PLCG1: variants seen among roughly 807,000 people sequenced by gnomAD.
PLCG1 encodes the protein 1-phosphatidylinositol 4,5-bisphosphate phosphodiesterase gamma-1.
In PLCG1, 71 loss-of-function variants were observed where a neutral mutation model predicts 177.8. That is an observed-to-expected ratio of 0.40 (90% CI 0.33 to 0.49). The LOEUF is 0.49. PLCG1 is among the 20% of genes least tolerant of loss of function. The pLI, the probability that PLCG1 is intolerant of heterozygous loss-of-function variation, is 0.72. For missense variants in PLCG1, 1,281 were observed against 1,709.0 expected, an observed-to-expected ratio of 0.75 and a Z score of 4.42; for synonymous variants, 658 against 647.9, an observed-to-expected ratio of 1.02 and a Z score of -0.24.
At chr20:41,143,025 C>T (rs1027651201) in intron 1 of PLCG1, among the ~76,000 whole-genome samples, 3 of 152,240 alleles carry the variant, frequency 2.0e-5, no homozygotes, top group Non-Finnish European at 2.9e-5. Context: ...AGCAGTCCCT[C>T]TATTGTCAGG....
At position 41,157,452 on chromosome 20, in the gene PLCG1, CCT is replaced by C. The variant is rs1440651025; in HGVS notation, c.218-2153_218-2152del. Among the ~76,000 whole-genome samples, 3 of 152,152 alleles carry C rather than the reference CCT, an allele frequency of 2.0e-5. No homozygotes were observed. The highest frequency in any genetic ancestry group is 7.2e-5 in the African/African-American group (3 of 41,430). On this transcript the variant is annotated intron_variant, in intron 1 of 31. Coordinates refer to ENST00000685551, the MANE Select transcript of PLCG1 (RefSeq NM_002660.3). The surrounding 1 kb of genome is among the most constrained non-coding windows in gnomAD (Gnocchi z 5.4). ...CTTTTATGGCCCAGTTCTCCCTGCC[CCT>C]GTTTCTACCCGAGTATAACTGTTCA... is the stretch of plus-strand genomic sequence containing the variant.
Position 41,169,493 on chromosome 20 carries a change from C to CG in PLCG1, c.2623dup (p.Val875GlyfsTer14), listed in dbSNP as rs1246354256. 1.9e-6 allele frequency: 3 copies of CG among 1,613,594 alleles called. No homozygotes were observed. The highest frequency in any genetic ancestry group is 1.7e-6 in the Non-Finnish European group (2 of 1,179,596). On this transcript the variant is annotated frameshift_variant, in exon 23 of 32. Coordinates refer to ENST00000685551, the MANE Select transcript of PLCG1 (RefSeq NM_002660.3). LOFTEE classifies it high-confidence loss of function. The stretch of plus-strand genomic sequence containing the variant: ...GAACAGCCCCCTAGGGGACTTGCTG[C>CG]GGGGGGTCTTGGATGTGCCGGCTTG...
At chr20:41,145,502 C>T (rs893523575) in intron 1 of PLCG1, among the ~76,000 whole-genome samples, 2 of 152,144 alleles carry the variant, frequency 1.3e-5, no homozygotes, top group South Asian at 4.1e-4. Context: ...CCCACCAACC[C>T]ATGGCCCTAC....
rs533260213 is a variant in PLCG1, at chr20:41,160,402, G to A, written c.512+249G>A. ...GCCACTATGGGCAGAGACTGGATGT[G>A]TAGAACTGGCTTTGGGTGTCCTGGA... is the stretch of plus-strand genomic sequence containing the variant. On this transcript the variant is annotated intron_variant, in intron 4 of 31. Transcript: ENST00000685551. This position sits in a 1 kb window ranked among gnomAD's most constrained non-coding sequence, Gnocchi z 5.5. Among the ~76,000 whole-genome samples, 2 of 152,356 alleles carry A rather than the reference G, an allele frequency of 1.3e-5. No homozygotes were observed. Among genetic ancestry groups the A allele is most frequent in the South Asian group, 2.1e-4 (1 of 4,830 alleles).
In PLCG1 at chr20:41,163,064, C is replaced by G. The variant is rs889644229; in HGVS notation, c.716+72C>G. ...TCTCTCCACTGGGCGATTCTTGATC[C>G]AGGTGGGAGGCAGTGGGAGTAGGGA... On this transcript the variant is annotated intron_variant, in intron 7 of 31. Coordinates refer to ENST00000685551, the MANE Select transcript of PLCG1 (RefSeq NM_002660.3). This position sits in a 1 kb window ranked among gnomAD's most constrained non-coding sequence, Gnocchi z 5.2. 4 of 1,546,328 alleles carry G rather than the reference C, an allele frequency of 2.6e-6. No individual in the cohort carries two copies. Among genetic ancestry groups the G allele is most frequent in the Non-Finnish European group, 3.6e-6 (4 of 1,118,480 alleles).
Position 41,174,158 on chromosome 20 carries a change from C to G in PLCG1, c.3680C>G (p.Thr1227Arg). The part of the protein sequence containing the change: ...ENGDLSPFSG[T>R]SLRERGSDAS... ...GGTGACCTCAGTCCCTTCAGTGGTA[C>G]GTCCCTGCGGGAGCGGGGCTCAGAT... Residue 1227 changes from threonine to arginine, a missense_variant, in exon 31 of 32, where the codon ACG (threonine) becomes AGG (arginine). By Grantham distance (71) the Thr-to-Arg change is moderately conservative. Transcript: ENST00000685551. The surrounding 1 kb of genome is among the most constrained non-coding windows in gnomAD (Gnocchi z 5.8). 6.2e-7 allele frequency: 1 copy of G among 1,614,066 alleles called. No homozygotes were observed. The highest frequency in any genetic ancestry group is 1.7e-5 in the Admixed American group (1 of 60,026).
In PLCG1 at chr20:41,165,863, C is replaced by T. The variant is rs776899363; in HGVS notation, c.1799+37C>T. On this transcript the variant is annotated intron_variant, in intron 16 of 31. Transcript: ENST00000685551. This position sits in a 1 kb window ranked among gnomAD's most constrained non-coding sequence, Gnocchi z 6.6. Reference sequence around the variant, plus strand: ...CATGCAGATGCGTATGTTCAGTCAGCGTGTGTACACAGACATCACATCACC... The same window carrying T: ...CATGCAGATGCGTATGTTCAGTCAGTGTGTGTACACAGACATCACATCACC... 4.1e-6 allele frequency: 6 copies of T among 1,460,962 alleles called. No homozygotes were observed. Among genetic ancestry groups the T allele is most frequent in the Middle Eastern group, 3.6e-4 (2 of 5,552 alleles). 90.5% of individuals were successfully genotyped at this position (1,460,962 alleles called of 1,614,324 possible).
intron 24 of PLCG1, among the ~76,000 whole-genome samples, chr20:41,171,586 CAAAA>C (rs71844995): frequency 7.2e-4 from 46 of 64,104 alleles, no homozygotes; most frequent in Middle Eastern, 0.01. Context: ...GACTCTGTCT[CAAAA>C]AAAAAAAAAA....
At chr20:41,162,240 T>TC (rs537494200) in intron 4 of PLCG1, 1 of 277,680 alleles carries the variant, frequency 3.6e-6, no homozygotes, top group Non-Finnish European at 6.5e-6. Flanking sequence ...TTTTTGTTTT[T>TC]TTTTTTTTTT....
Position 41,151,428 on chromosome 20 carries a change from A to G in PLCG1, c.218-8178A>G, listed in dbSNP as rs540876010. Among the ~76,000 whole-genome samples, 21 of 152,350 alleles carry G rather than the reference A, an allele frequency of 1.4e-4. No homozygotes were observed. The East Asian group carries it at 3.9e-3, about 28-fold the overall frequency. On this transcript the variant is annotated intron_variant, in intron 1 of 31. Coordinates refer to ENST00000685551, the MANE Select transcript of PLCG1 (RefSeq NM_002660.3). This position sits in a 1 kb window ranked among gnomAD's most constrained non-coding sequence, Gnocchi z 5.5. Reference sequence around the variant, plus strand: ...GGTCTGGTTTGAAGGCAGCTGCTGCACAGTAATGGGAAGGACAGTAAGCCC... The same window carrying G: ...GGTCTGGTTTGAAGGCAGCTGCTGCGCAGTAATGGGAAGGACAGTAAGCCC...
In PLCG1 at chr20:41,177,519, T is replaced by C. The variant is rs904319147; in HGVS notation, c.*3010T>C. 13 of 152,266 alleles carry C rather than the reference T, an allele frequency of 8.5e-5. No individual in the cohort carries two copies. The highest frequency in any genetic ancestry group is 8.5e-4 in the Admixed American group (13 of 15,292). 9.4% of individuals were successfully genotyped at this position (152,266 alleles called of 1,614,324 possible). On this transcript the variant is annotated 3_prime_UTR_variant, in exon 32 of 32. Transcript: ENST00000685551. ...AGCCCATCACTCACCATGTGAGTTCTGTTGAGGGTGGGTAGAAAGCAAATA... is the reference window on the plus strand; with the variant it reads ...AGCCCATCACTCACCATGTGAGTTCCGTTGAGGGTGGGTAGAAAGCAAATA...
At chr20:41,149,406 C>G (rs902988333) in intron 1 of PLCG1, among the ~76,000 whole-genome samples, 1 of 152,204 alleles carries the variant, frequency 6.6e-6, no homozygotes. Context: ...AAAGGAGATG[C>G]GAAGGATCAT....
In PLCG1 at chr20:41,167,640, G is replaced by C. The variant is rs549602941; in HGVS notation, c.2302-212G>C. ...TGAGAGATTTTAGAATCCTGGGCTG[G>C]GCCTTACATGTAAGAATGTGAAGAA... On this transcript the variant is annotated intron_variant, in intron 19 of 31. Coordinates refer to ENST00000685551, the MANE Select transcript of PLCG1 (RefSeq NM_002660.3). This position sits in a 1 kb window ranked among gnomAD's most constrained non-coding sequence, Gnocchi z 4.4. The C allele has an allele frequency of 5.2e-6, 3 of 577,742 alleles. No individual in the cohort carries two copies. In the East Asian group the frequency reaches 8.6e-5, roughly 17 times the overall value. The allele number at this position is 577,742 out of a possible 1,614,324, so 35.8% of individuals were successfully genotyped here.
chr20:41,165,571 C>T lies in PLCG1; in HGVS notation c.1611+20C>T. 1.2e-6 allele frequency: 2 copies of T among 1,611,302 alleles called. No homozygotes were observed. Among genetic ancestry groups the T allele is most frequent in the Non-Finnish European group, 1.7e-6 (2 of 1,177,476 alleles). On this transcript the variant is annotated intron_variant, in intron 15 of 31. Coordinates refer to ENST00000685551, the MANE Select transcript of PLCG1 (RefSeq NM_002660.3). The surrounding 1 kb of genome is among the most constrained non-coding windows in gnomAD (Gnocchi z 6.6). ...AAGGAGGTGAGGAACCAGCTCAGGT[C>T]TGGGGGCTGGGCCAGGTCAGGCCTG...
chr20:41,170,106 T>A lies in PLCG1; in HGVS notation c.2651-6T>A. The A allele has an allele frequency of 6.2e-7, 1 of 1,606,110 alleles. No individual in the cohort carries two copies. The highest frequency in any genetic ancestry group is 8.5e-7 in the Non-Finnish European group (1 of 1,174,812). On this transcript the variant is annotated splice_polypyrimidine_tract_variant and splice_region_variant and intron_variant, in intron 23 of 31. Transcript: ENST00000685551. The stretch of plus-strand genomic sequence containing the variant: ...TCCCAGCTGTTATCTGCTCTCGCCC[T>A]CCCAGCCATCCGTCCTGAGGGCAAG...
At chr20:41,141,990 A>G (rs1318051738) in intron 1 of PLCG1, among the ~76,000 whole-genome samples, 2 of 152,256 alleles carry the variant, frequency 1.3e-5, no homozygotes, top group Non-Finnish European at 2.9e-5. Flanking sequence ...AATATTTGCA[A>G]TAAGTATTAT....
rs1434282778 is a variant in PLCG1, at chr20:41,173,435, C to T, written c.3295C>T (p.His1099Tyr). 6.2e-7 allele frequency: 1 copy of T among 1,605,612 alleles called. No homozygotes were observed. Among genetic ancestry groups the T allele is most frequent in the South Asian group, 1.1e-5 (1 of 89,518 alleles). ...AISIEVLGAR[H>Y]LPKNGRGIVC... ...CTGCCTACAGGTGCTGGGGGCCCGA[C>T]ATCTGCCAAAGAATGGCCGAGGCAT... The change falls in exon 28 of 32, where the codon CAT becomes TAT. Residue 1099 changes from histidine to tyrosine, a missense_variant. His to Tyr is a moderately conservative substitution (Grantham distance 83). This residue lies in a region of PLCG1 where 723 missense variants were observed against 1,030.0 expected (regional missense o/e 0.70). Coordinates refer to ENST00000685551, the MANE Select transcript of PLCG1 (RefSeq NM_002660.3). This position sits in a 1 kb window ranked among gnomAD's most constrained non-coding sequence, Gnocchi z 6.2.
In PLCG1 at chr20:41,157,597, C is replaced by T. The variant is rs892812509; in HGVS notation, c.218-2009C>T. On this transcript the variant is annotated intron_variant, in intron 1 of 31. Coordinates refer to ENST00000685551, the MANE Select transcript of PLCG1 (RefSeq NM_002660.3). This position sits in a 1 kb window ranked among gnomAD's most constrained non-coding sequence, Gnocchi z 5.4. ...CCCTGCCTGGCCTTAGGTATGTGAGCATGTATGTACGTGTTTGTATGCACG... is the reference window on the plus strand; with the variant it reads ...CCCTGCCTGGCCTTAGGTATGTGAGTATGTATGTACGTGTTTGTATGCACG... Among the ~76,000 whole-genome samples, 2 of 152,152 alleles carry T rather than the reference C, an allele frequency of 1.3e-5. No individual in the cohort carries two copies. Among genetic ancestry groups the T allele is most frequent in the East Asian group, 1.9e-4 (1 of 5,192 alleles).
At position 41,145,316 on chromosome 20, in the gene PLCG1, G is replaced by A. The variant is rs35803576; in HGVS notation, c.217+7458G>A. ...GAGGGATTTGGAGTATGGAGGTTTA[G>A]AAGGAATTAATTTCTATGACTTAGG... is the stretch of plus-strand genomic sequence containing the variant. On this transcript the variant is annotated intron_variant, in intron 1 of 31. Coordinates refer to ENST00000685551, the MANE Select transcript of PLCG1 (RefSeq NM_002660.3). Among the ~76,000 whole-genome samples the A allele has an allele frequency of 2.3e-4, 35 of 152,328 alleles. No homozygotes were observed. In the East Asian group the frequency reaches 6.4e-3, roughly 28 times the overall value.
Sources: gnomAD v4.1 joint callset for allele counts (sites outside exome capture counted in the v4.1 genomes callset) on GRCh38, gnomAD v4.1.1 for gene constraint, gnomAD v4.1.1 regional missense constraint, Gnocchi (gnomAD v3.1) non-coding constraint, MANE v1.5 for transcripts, NCBI Gene and HGNC (gene_info 2026-07-23, HGNC 2026-07-21) for gene names.